The following PTPRN2 variants were observed in gnomAD, a reference collection of about 807,000 sequenced individuals.
The protein encoded by PTPRN2 is receptor-type tyrosine-protein phosphatase N2.
A neutral mutation model predicts 118.8 loss-of-function variants in PTPRN2; 74 were observed. The observed-to-expected ratio is 0.62, with a 90% CI of 0.52 to 0.76. The LOEUF (loss-of-function observed/expected upper bound fraction) is 0.76. PTPRN2 is among the 30% of genes least tolerant of loss of function. The pLI is 0.00. For synonymous variants in PTPRN2, 641 were observed against 608.0 expected (o/e 1.05, Z -0.80); for missense variants, 1,481 against 1,394.4 (o/e 1.06, Z -0.99).
chr7:158,263,518 G>C (rs1196921751), intron 3 of PTPRN2, among the ~76,000 whole-genome samples: 5 of 152,250 alleles, frequency 3.3e-5, no homozygotes, highest in Non-Finnish European at 2.9e-5. Flanking sequence ...GTTTGGGGCA[G>C]GCCCATCAGC....
intron 2 of PTPRN2, among the ~76,000 whole-genome samples, chr7:158,423,255 C>T (rs976016531): frequency 1.3e-5 from 2 of 152,258 alleles, no homozygotes; most frequent in African/African-American, 2.4e-5. Context: ...GTTCTATCCC[C>T]TGCTGCTGGG....
intron 3 of PTPRN2, among the ~76,000 whole-genome samples, chr7:158,248,626 GCA>G (rs1458084759): frequency 6.9e-6 from 1 of 144,462 alleles, no homozygotes; most frequent in East Asian, 2.1e-4. Context: ...ACATACACAC[GCA>G]CACACACCAC....
intron 1 of PTPRN2, among the ~76,000 whole-genome samples, chr7:158,572,536 A>T (rs1219705920): frequency 6.6e-6 from 1 of 152,190 alleles, no homozygotes; most frequent in African/African-American, 2.4e-5. Flanking sequence ...TCTCTGAGGC[A>T]TACCAGGGAC....
chr7:157,781,622 G>A (rs542617096), intron 12 of PTPRN2, among the ~76,000 whole-genome samples: 4 of 152,332 alleles, frequency 2.6e-5, no homozygotes, highest in Non-Finnish European at 5.9e-5. Flanking sequence ...GCAGCTGGGA[G>A]AGCTCCTGGA....
At chr7:158,115,478 A>C (rs1013957962) in intron 9 of PTPRN2, among the ~76,000 whole-genome samples, 6 of 152,122 alleles carry the variant, frequency 3.9e-5, no homozygotes, top group African/African-American at 1.4e-4. Flanking sequence ...GTGACCCCTA[A>C]AATCTGTATG....
intron 15 of PTPRN2, among the ~76,000 whole-genome samples, chr7:157,613,404 C>A (rs1350698338): frequency 2.0e-5 from 3 of 152,198 alleles, no homozygotes; most frequent in Non-Finnish European, 4.4e-5. Context: ...CGGGTCCGGG[C>A]GGGCCCCACG....
rs534078123 is a variant in PTPRN2, at chr7:157,615,991, G to A, written c.2344+5371C>T. 5 of 229,458 alleles carry A rather than the reference G, an allele frequency of 2.2e-5. No individual in the cohort carries two copies. The highest frequency in any genetic ancestry group is 2.5e-4 in the East Asian group (2 of 8,160). The allele number at this position is 229,458 out of a possible 1,614,324, so 14.2% of individuals were successfully genotyped here. On this transcript the variant is annotated intron_variant, in intron 15 of 22. Transcript: ENST00000389418. This position sits in a 1 kb window ranked among gnomAD's most constrained non-coding sequence, Gnocchi z 4.3. The stretch of plus-strand genomic sequence containing the variant: ...GGCCTGATCCAGGAAGAAGCACACC[G>A]TGGCCTGGGGCCCCTCTGGAGGGTA...
chr7:158,579,899 T>C (rs1359392698), intron 1 of PTPRN2, among the ~76,000 whole-genome samples: 1 of 152,262 alleles, frequency 6.6e-6, no homozygotes. Context: ...TAGGAACTGA[T>C]GGCTGTGCTT....
intron 2 of PTPRN2, among the ~76,000 whole-genome samples, chr7:158,456,954 C>A (rs993417837): frequency 2.6e-5 from 4 of 152,134 alleles, no homozygotes; most frequent in Non-Finnish European, 5.9e-5. Context: ...AATGTCATCA[C>A]AAACCCAGTA....
At chr7:157,923,654 C>T (rs565558028) in intron 11 of PTPRN2, among the ~76,000 whole-genome samples, 2 of 152,212 alleles carry the variant, frequency 1.3e-5, no homozygotes, top group East Asian at 3.9e-4. Context: ...GATAAAACCC[C>T]AGAAACTCAG....
chr7:158,146,372 G>C (rs1031144896), intron 6 of PTPRN2, among the ~76,000 whole-genome samples: 1 of 152,104 alleles, frequency 6.6e-6, no homozygotes, highest in Non-Finnish European at 1.5e-5. Context: ...CCCATTGATT[G>C]CACCAACCTG....
At chr7:157,710,434 C>T (rs1238928112) in intron 12 of PTPRN2, among the ~76,000 whole-genome samples, 4 of 152,094 alleles carry the variant, frequency 2.6e-5, no homozygotes, top group African/African-American at 4.8e-5. Flanking sequence ...CAGTGAGACC[C>T]CATCTCTACA....
rs115862643 is a variant in PTPRN2, at chr7:158,554,603, G to A, written c.112+32955C>T. On this transcript the variant is annotated intron_variant, in intron 1 of 22. Coordinates refer to ENST00000389418, the MANE Select transcript of PTPRN2 (RefSeq NM_002847.5). The stretch of plus-strand genomic sequence containing the variant: ...CTCTCAGCTTGTTCTGGGCACAGAG[G>A]ATTTAAGGAATATTTGAGATTTGAA... Among the ~76,000 whole-genome samples the A allele has an allele frequency of 6.1e-3, 926 of 152,264 alleles. 12 individuals are homozygous for A. Among genetic ancestry groups the A allele is most frequent in the African/African-American group, 0.021 (857 of 41,538 alleles).
intron 2 of PTPRN2, among the ~76,000 whole-genome samples, chr7:158,354,343 G>A (rs1027071282): frequency 6.6e-6 from 1 of 152,128 alleles, no homozygotes. Flanking sequence ...CGGGACCATG[G>A]CCTCCCCAAA....
chr7:157,820,052 C>T (rs1806717626), intron 12 of PTPRN2, among the ~76,000 whole-genome samples: 2 of 150,346 alleles, frequency 1.3e-5, no homozygotes, highest in Non-Finnish European at 3.0e-5. Flanking sequence ...ACATGCACCA[C>T]CACACACATA....
At position 158,560,592 on chromosome 7, in the gene PTPRN2, G is replaced by A. The variant is rs552979141; in HGVS notation, c.112+26966C>T. ...CCGCGCGCAGGACTGTGCTGGGACC[G>A]TGTGGCGGTTCCTCACTGTGTCCCC... On this transcript the variant is annotated intron_variant, in intron 1 of 22. Transcript: ENST00000389418. 9.2e-5 allele frequency among the ~76,000 whole-genome samples: 14 copies of A among 152,404 alleles called. No homozygotes were observed. The South Asian group carries it at 1.0e-3, about 11-fold the overall frequency.
At chr7:158,275,258 T>G (rs1367801486) in intron 3 of PTPRN2, among the ~76,000 whole-genome samples, 1 of 152,024 alleles carries the variant, frequency 6.6e-6, no homozygotes, top group Non-Finnish European at 1.5e-5. Flanking sequence ...TTGGCCCAGG[T>G]GCCTGCCCAC....
At chr7:157,673,501 C>T (rs1032234577) in intron 13 of PTPRN2, among the ~76,000 whole-genome samples, 1 of 152,162 alleles carries the variant, frequency 6.6e-6, no homozygotes, top group African/African-American at 2.4e-5. Context: ...CTGACTCTGC[C>T]CACCTCACGT....
intron 9 of PTPRN2, among the ~76,000 whole-genome samples, chr7:158,119,293 A>C (rs564222889): frequency 6.6e-6 from 1 of 152,340 alleles, no homozygotes; most frequent in South Asian, 2.1e-4. Context: ...ACTAATCATT[A>C]GGAAAACACA....
Sources: allele counts gnomAD v4.1 joint callset (sites outside exome capture counted in the v4.1 genomes callset), GRCh38; gene constraint gnomAD v4.1.1; non-coding constraint Gnocchi (gnomAD v3.1); transcripts MANE v1.5; gene names NCBI Gene and HGNC (gene_info 2026-07-23, HGNC 2026-07-21).